Variants in ACSM1 observed in about 807,000 individuals in gnomAD.
ACSM1 encodes acyl-CoA synthetase medium chain family member 1, also known as acyl-coenzyme A synthetase ACSM1, mitochondrial.
ACSM1 carries 79 observed loss-of-function variants against 75.8 expected under a neutral mutation model. The observed-to-expected ratio is 1.04, with a 90% CI of 0.87 to 1.26. The LOEUF (loss-of-function observed/expected upper bound fraction) is 1.26, where lower values mean the gene tolerates loss of function less well. Among genes scored for constraint, ACSM1 ranks in the 50% most tolerant of loss-of-function variants. The pLI is 0.00. For missense variants in ACSM1, 676 were observed against 720.1 expected (o/e 0.94, Z 0.70); for synonymous variants, 279 against 265.8 (o/e 1.05, Z -0.48).
At chr16:20,685,833 A>C (rs2079541863) in intron 2 of ACSM1, among the ~76,000 whole-genome samples, 1 of 80,934 alleles carries the variant, frequency 1.2e-5, no homozygotes, top group South Asian at 4.4e-4. Flanking sequence ...AAAAAAAAAC[A>C]AACAAAAAAA....
intron 7 of ACSM1, among the ~76,000 whole-genome samples, chr16:20,655,822 C>A (rs2018928565): frequency 6.6e-6 from 1 of 152,110 alleles, no homozygotes; most frequent in Non-Finnish European, 1.5e-5. Flanking sequence ...ACCACCACCC[C>A]TGGCTAATTT....
chr16:20,679,737 C>A (rs531583626), intron 4 of ACSM1: 1 of 152,272 alleles, frequency 6.6e-6, no homozygotes, highest in African/African-American at 2.4e-5. Flanking sequence ...TAGGAACCTG[C>A]ACATACAACC....
chr16:20,659,408 G>A (rs163278), intron 7 of ACSM1, among the ~76,000 whole-genome samples: 62,007 of 151,864 alleles, frequency 0.41, 14,104 homozygotes, highest in East Asian at 0.85. Flanking sequence ...ACTGAGGACT[G>A]AGCTCTGATT....
intron 4 of ACSM1, among the ~76,000 whole-genome samples, chr16:20,678,484 G>T (rs1372523549): frequency 6.6e-6 from 1 of 152,224 alleles, no homozygotes; most frequent in African/African-American, 2.4e-5. Context: ...AACTGCTTAT[G>T]AACTTCACCG....
At chr16:20,683,228 C>T (rs2079482064) in intron 3 of ACSM1, among the ~76,000 whole-genome samples, 1 of 151,978 alleles carries the variant, frequency 6.6e-6, no homozygotes, top group South Asian at 2.1e-4. Flanking sequence ...AGCAATTGTC[C>T]TGTCTCAGCC....
intron 10 of ACSM1, among the ~76,000 whole-genome samples, chr16:20,632,113 A>G (rs1339860485): frequency 6.6e-6 from 1 of 152,202 alleles, no homozygotes; most frequent in East Asian, 1.9e-4. Flanking sequence ...GGGACACACA[A>G]ACATTCAGTC....
intron 7 of ACSM1, among the ~76,000 whole-genome samples, chr16:20,644,133 C>A (rs2018226361): frequency 6.6e-6 from 1 of 152,220 alleles, no homozygotes; most frequent in Admixed American, 6.5e-5. Flanking sequence ...CAGTTGGCTT[C>A]AACTCTCAAG....
intron 7 of ACSM1, among the ~76,000 whole-genome samples, chr16:20,646,282 A>AC (rs2018355460): frequency 6.6e-6 from 1 of 152,058 alleles, no homozygotes; most frequent in African/African-American, 2.4e-5. Context: ...GAAATAAGCC[A>AC]CCCCCTTGTC....
At chr16:20,664,811 A>C (rs1330090923) in intron 6 of ACSM1, among the ~76,000 whole-genome samples, 1 of 152,180 alleles carries the variant, frequency 6.6e-6, no homozygotes, top group Non-Finnish European at 1.5e-5. Flanking sequence ...ACATTGTTAG[A>C]CCACAGTGCA....
chr16:20,659,719 A>T (rs754242204), intron 7 of ACSM1, among the ~76,000 whole-genome samples: 1 of 152,100 alleles, frequency 6.6e-6, no homozygotes, highest in African/African-American at 2.4e-5. Flanking sequence ...GAGATAATCA[A>T]CTAAGAACCA....
intron 10 of ACSM1, among the ~76,000 whole-genome samples, chr16:20,636,404 G>A (rs146873296): frequency 6.6e-6 from 1 of 152,152 alleles, no homozygotes; most frequent in Non-Finnish European, 1.5e-5. Flanking sequence ...TGGAGGCTCA[G>A]CGAGGATAAG....
intron 7 of ACSM1, among the ~76,000 whole-genome samples, chr16:20,658,363 G>A (rs952235315): frequency 1.3e-5 from 2 of 152,152 alleles, no homozygotes; most frequent in Admixed American, 6.5e-5. Flanking sequence ...GGCCAGTGAT[G>A]ATGAGCATTT....
chr16:20,672,496 A>ATAT (rs1491253053), intron 4 of ACSM1, among the ~76,000 whole-genome samples: 6 of 113,492 alleles, frequency 5.3e-5, no homozygotes, highest in Non-Finnish European at 1.0e-4. Context: ...ATATATATAT[A>ATAT]AAAAACATAT....
In ACSM1 at chr16:20,689,577, T is replaced by C. The variant is rs548194211; in HGVS notation, c.192+1420A>G. ...CTGCAAAAATTAAGCTACTTCTATGTGATTGAATATGATAAAATCAATGAA... is the reference window on the plus strand; with the variant it reads ...CTGCAAAAATTAAGCTACTTCTATGCGATTGAATATGATAAAATCAATGAA... On this transcript the variant is annotated intron_variant, in intron 2 of 13. Transcript: ENST00000520010. Among the ~76,000 whole-genome samples, 18 of 152,350 alleles carry C rather than the reference T, an allele frequency of 1.2e-4. No homozygotes were observed. The South Asian group carries it at 3.7e-3, about 32-fold the overall frequency.
intron 2 of ACSM1, among the ~76,000 whole-genome samples, chr16:20,689,913 G>C (rs1235657601): frequency 6.6e-6 from 1 of 152,182 alleles, no homozygotes; most frequent in Non-Finnish European, 1.5e-5. Context: ...CCACTTATTA[G>C]ACATGTGATT....
intron 2 of ACSM1, among the ~76,000 whole-genome samples, chr16:20,687,871 G>T (rs991937094): frequency 6.6e-6 from 1 of 152,084 alleles, no homozygotes; most frequent in Admixed American, 6.5e-5. Context: ...ATCACTTGAG[G>T]TCAGGAGTTT....
intron 7 of ACSM1, among the ~76,000 whole-genome samples, chr16:20,642,626 C>T (rs1276673875): frequency 2.0e-5 from 3 of 152,206 alleles, no homozygotes; most frequent in Admixed American, 6.5e-5. Context: ...GCTTATCCCC[C>T]GTGCAATACA....
At chr16:20,669,707 G>T in intron 6 of ACSM1, 120 bp downstream of exon 6, 2 of 998,050 alleles carry the variant, frequency 2.0e-6, no homozygotes, top group Non-Finnish European at 3.0e-6. Context: ...AGAAGCCCAG[G>T]CTCAGGATCA....
intron 7 of ACSM1, among the ~76,000 whole-genome samples, 179 bp from the exon 8 acceptor site, chr16:20,640,763 G>A (rs2018007700): frequency 6.6e-6 from 1 of 152,224 alleles, no homozygotes. Context: ...GCCAGTCCCT[G>A]CGAACTATTC....
Sources: gnomAD v4.1 joint callset for allele counts (sites outside exome capture counted in the v4.1 genomes callset) on GRCh38, gnomAD v4.1.1 for gene constraint, MANE v1.5 for transcripts, NCBI Gene and HGNC (gene_info 2026-07-23, HGNC 2026-07-21) for gene names.